FARP1: variants seen among roughly 807,000 people sequenced by gnomAD.
The protein encoded by FARP1 is FERM, ARHGEF and pleckstrin domain-containing protein 1.
A neutral mutation model predicts 128.8 loss-of-function variants in FARP1; 52 were observed. The observed-to-expected ratio is 0.40, with a 90% CI of 0.32 to 0.51. The LOEUF is 0.51. Among genes scored for constraint, FARP1 ranks in the 20% least tolerant of loss-of-function variants. FARP1 has a pLI of 0.45. For missense variants in FARP1, 1,333 were observed against 1,367.9 expected, an observed-to-expected ratio of 0.97 and a Z score of 0.40; for synonymous variants, 580 against 551.8, an observed-to-expected ratio of 1.05 and a Z score of -0.72.
intron 1 of FARP1, among the ~76,000 whole-genome samples, chr13:98,144,064 A>G (rs1359386826): frequency 7.5e-6 from 1 of 133,422 alleles, no homozygotes; most frequent in Non-Finnish European, 1.5e-5. Flanking sequence ...TGCAGGGCAA[A>G]GTTTTTTTTA....
At chr13:98,354,965 CATT>C in intron 3 of FARP1, among the ~76,000 whole-genome samples, 1 of 152,154 alleles carries the variant, frequency 6.6e-6, no homozygotes, top group South Asian at 2.1e-4. Context: ...CAAAATATCT[CATT>C]AATCATGTTT....
intron 2 of FARP1, among the ~76,000 whole-genome samples, chr13:98,215,598 A>G (rs1292233339): frequency 6.6e-6 from 1 of 152,232 alleles, no homozygotes; most frequent in Non-Finnish European, 1.5e-5. Context: ...GAGCTTAACT[A>G]AATAGTAGTA....
At chr13:98,170,629 T>G (rs1369386308) in intron 1 of FARP1, among the ~76,000 whole-genome samples, 1 of 152,130 alleles carries the variant, frequency 6.6e-6, no homozygotes, top group Non-Finnish European at 1.5e-5. Context: ...ATGCTGGGAT[T>G]ACAGGTGTGA....
At chr13:98,249,977 C>T (rs543535524) in intron 2 of FARP1, among the ~76,000 whole-genome samples, 104 of 152,232 alleles carry the variant, frequency 6.8e-4, no homozygotes, top group African/African-American at 2.4e-3. Context: ...TTTTGAAAAC[C>T]TAATTTTTAA....
chr13:98,400,982 T>C (rs1352156328), intron 13 of FARP1: 15 of 152,156 alleles, frequency 9.9e-5, no homozygotes, highest in African/African-American at 7.2e-5. Flanking sequence ...ATCATCAAGG[T>C]CTGATTACAA....
At chr13:98,188,006 A>G (rs929110285) in intron 1 of FARP1, among the ~76,000 whole-genome samples, 3 of 152,194 alleles carry the variant, frequency 2.0e-5, no homozygotes, top group Non-Finnish European at 4.4e-5. Context: ...CACATTTGCT[A>G]TTTTAAGCTG....
chr13:98,430,550 G>T (rs1891970841), intron 17 of FARP1, among the ~76,000 whole-genome samples: 1 of 152,202 alleles, frequency 6.6e-6, no homozygotes, highest in South Asian at 2.1e-4. Context: ...CATCTCCCCA[G>T]ACCTAGCAGA....
chr13:98,269,428 C>T (rs185146010), intron 2 of FARP1, among the ~76,000 whole-genome samples: 12 of 152,348 alleles, frequency 7.9e-5, no homozygotes, highest in South Asian at 2.1e-4. Flanking sequence ...AGGCCCTCCC[C>T]GCCAAGATGA....
intron 13 of FARP1, chr13:98,399,139 A>G (rs1890664340): frequency 1.3e-5 from 2 of 152,302 alleles, no homozygotes; most frequent in Non-Finnish European, 1.5e-5. Flanking sequence ...AAAAGCAGCA[A>G]TCCTGGTGTA....
At chr13:98,410,382 C>T (rs1373521259) in intron 14 of FARP1, among the ~76,000 whole-genome samples, 1 of 152,222 alleles carries the variant, frequency 6.6e-6, no homozygotes, top group Non-Finnish European at 1.5e-5. Flanking sequence ...TAGGACGAGA[C>T]AGTTCCTTTT....
chr13:98,445,389 A>G (rs1892760832), intron 24 of FARP1: 1 of 152,248 alleles, frequency 6.6e-6, no homozygotes, highest in South Asian at 2.1e-4. Context: ...GTTTGGAGGT[A>G]GCATGGACAC....
At chr13:98,144,388 A>C (rs1023466499) in intron 1 of FARP1, among the ~76,000 whole-genome samples, 16 of 152,126 alleles carry the variant, frequency 1.1e-4, no homozygotes, top group African/African-American at 3.9e-4. Flanking sequence ...CAGTTCGTGG[A>C]GACGTGGGAG....
intron 2 of FARP1, among the ~76,000 whole-genome samples, chr13:98,279,114 C>T (rs1221344344): frequency 2.0e-5 from 3 of 151,858 alleles, no homozygotes; most frequent in Non-Finnish European, 2.9e-5. Flanking sequence ...GGATTACAGG[C>T]GTGAGCCAAC....
intron 1 of FARP1, 133 bp from the exon 2 acceptor site, chr13:98,213,087 G>A (rs754799892): frequency 1.2e-5 from 7 of 584,036 alleles, no homozygotes; most frequent in African/African-American, 7.6e-5. Flanking sequence ...TGAGTGAACC[G>A]ATGCCTCCCT....
chr13:98,374,401 G>T (rs1040940196), intron 5 of FARP1, among the ~76,000 whole-genome samples: 3 of 152,094 alleles, frequency 2.0e-5, no homozygotes, highest in Admixed American at 1.3e-4. Flanking sequence ...CTCCAGCCTG[G>T]AAAACAGAGC....
At chr13:98,244,844 A>G in intron 2 of FARP1, 1 of 1,459,848 alleles carries the variant, frequency 6.9e-7, no homozygotes, top group Non-Finnish European at 9.0e-7. Context: ...GAGTAGATAC[A>G]GATGTGATCT....
chr13:98,304,989 A>C (rs1274067400), intron 2 of FARP1, among the ~76,000 whole-genome samples: 1 of 152,198 alleles, frequency 6.6e-6, no homozygotes, highest in Non-Finnish European at 1.5e-5. Context: ...TGTTGAGTAG[A>C]GAAGTATTAG....
intron 18 of FARP1, chr13:98,433,596 A>G (rs979163664): frequency 1.3e-5 from 2 of 152,388 alleles, no homozygotes; most frequent in Non-Finnish European, 2.9e-5. Context: ...GCATGCACCT[A>G]TAGTGCCGGC....
At chr13:98,278,344 T>A (rs1884770200) in intron 2 of FARP1, among the ~76,000 whole-genome samples, 1 of 152,060 alleles carries the variant, frequency 6.6e-6, no homozygotes, top group Admixed American at 6.6e-5. Flanking sequence ...TGTGTGAGTG[T>A]GAATGCGAGA....
Sources: gnomAD v4.1 joint callset for allele counts (sites outside exome capture counted in the v4.1 genomes callset) on GRCh38, gnomAD v4.1.1 for gene constraint, MANE v1.5 for transcripts, NCBI Gene and HGNC (gene_info 2026-07-23, HGNC 2026-07-21) for gene names.